The following XRCC4 variants were observed in gnomAD, a reference collection of about 807,000 sequenced individuals.
XRCC4 encodes the protein DNA repair protein XRCC4.
XRCC4 carries 28 observed loss-of-function variants against 39.1 expected under a neutral mutation model. The ratio of observed to expected loss-of-function variants is 0.72; its 90% CI spans 0.53 to 0.98. XRCC4 has a LOEUF of 0.98. Among genes scored for constraint, XRCC4 ranks in the 50% least tolerant of loss-of-function variants. The probability of loss-of-function intolerance (pLI) is 0.00; values close to 1 mark genes in which losing one functional copy is unlikely to be tolerated. For synonymous variants in XRCC4, 123 were observed against 126.4 expected (o/e 0.97, Z 0.18); for missense variants, 350 against 376.4 (o/e 0.93, Z 0.58).
chr5:83,118,641 G>T (rs76986753), intron 3 of XRCC4, among the ~76,000 whole-genome samples: 5 of 152,102 alleles, frequency 3.3e-5, no homozygotes, highest in African/African-American at 1.2e-4. Context: ...TTTTGCTCAC[G>T]TCCCATTGGC....
chr5:83,133,693 G>A (rs531091902), intron 3 of XRCC4, among the ~76,000 whole-genome samples: 37 of 152,262 alleles, frequency 2.4e-4, no homozygotes, highest in East Asian at 3.9e-4. Context: ...CAAGCCAGGC[G>A]TGGGATATAA....
At chr5:83,264,958 G>C (rs1753904894) in intron 7 of XRCC4, among the ~76,000 whole-genome samples, 6 of 152,048 alleles carry the variant, frequency 3.9e-5, no homozygotes, top group Non-Finnish European at 8.8e-5. Context: ...AACAGTGTTT[G>C]CCTTTTGAGT....
At chr5:83,103,381 T>G (rs1746046260) in intron 1 of XRCC4, among the ~76,000 whole-genome samples, 1 of 152,116 alleles carries the variant, frequency 6.6e-6, no homozygotes, top group Non-Finnish European at 1.5e-5. Context: ...TATTTTCTTC[T>G]TTATTGTATG....
At chr5:83,309,266 CAAAAAA>C (rs59326460) in intron 7 of XRCC4, among the ~76,000 whole-genome samples, 260 of 17,090 alleles carry the variant, frequency 0.015, 1 homozygote, top group African/African-American at 0.034. Context: ...GACTCCGTCT[CAAAAAA>C]AAAAAAAAAA....
At chr5:83,141,639 CTT>C (rs28360069) in intron 3 of XRCC4, among the ~76,000 whole-genome samples, 2 of 151,274 alleles carry the variant, frequency 1.3e-5, no homozygotes, top group Non-Finnish European at 3.0e-5. Context: ...TCTTTTTCCT[CTT>C]TTTTTTCTAT....
intron 3 of XRCC4, among the ~76,000 whole-genome samples, chr5:83,184,759 T>C (rs368094681): frequency 2.0e-5 from 3 of 152,208 alleles, no homozygotes; most frequent in African/African-American, 7.2e-5. Flanking sequence ...GTTAGATTTT[T>C]CTCTTTCATA....
intron 3 of XRCC4, among the ~76,000 whole-genome samples, chr5:83,189,561 A>G (rs971552158): frequency 6.6e-6 from 1 of 152,188 alleles, no homozygotes; most frequent in African/African-American, 2.4e-5. Flanking sequence ...ATTAGTTCTA[A>G]GAAATTTGGG....
chr5:83,280,788 A>G (rs572882034), intron 7 of XRCC4: 269 of 165,712 alleles, frequency 1.6e-3, no homozygotes, highest in African/African-American at 6.0e-3. Context: ...TTAGAAGGTC[A>G]CCATCATTCA....
At chr5:83,328,529 G>A (rs1404737632) in intron 7 of XRCC4, among the ~76,000 whole-genome samples, 1 of 152,056 alleles carries the variant, frequency 6.6e-6, no homozygotes, top group Non-Finnish European at 1.5e-5. Flanking sequence ...AAAAGATGGA[G>A]CAAATTGTAA....
chr5:83,228,526 T>C (rs1752375338), intron 6 of XRCC4, among the ~76,000 whole-genome samples: 2 of 152,030 alleles, frequency 1.3e-5, no homozygotes, highest in Admixed American at 6.6e-5. Flanking sequence ...TCATGAAAAA[T>C]TTGAGTTCAC....
intron 6 of XRCC4, among the ~76,000 whole-genome samples, chr5:83,222,285 G>T (rs1318788467): frequency 6.6e-6 from 1 of 151,846 alleles, no homozygotes; most frequent in East Asian, 1.9e-4. Flanking sequence ...TTGTTCTAGT[G>T]GTCACTCTAC....
intron 3 of XRCC4, among the ~76,000 whole-genome samples, chr5:83,123,105 C>T (rs1747090912): frequency 6.6e-6 from 1 of 152,050 alleles, no homozygotes; most frequent in African/African-American, 2.4e-5. Flanking sequence ...TTTCTGTCTA[C>T]TTCTTTTAAA....
intron 3 of XRCC4, among the ~76,000 whole-genome samples, chr5:83,156,375 T>G (rs1236964972): frequency 1.3e-5 from 2 of 151,890 alleles, no homozygotes; most frequent in African/African-American, 4.8e-5. Context: ...AAGGAAGTTT[T>G]GGGAAAACAT....
At chr5:83,210,980 G>A (rs1287944586) in intron 6 of XRCC4, among the ~76,000 whole-genome samples, 2 of 152,060 alleles carry the variant, frequency 1.3e-5, no homozygotes, top group Non-Finnish European at 2.9e-5. Context: ...ATATGTTTGG[G>A]GGGAGACAAA....
At chr5:83,240,053 A>T (rs1752845812) in intron 6 of XRCC4, among the ~76,000 whole-genome samples, 2 of 152,176 alleles carry the variant, frequency 1.3e-5, no homozygotes, top group South Asian at 4.1e-4. Flanking sequence ...ATGCACCTGT[A>T]GTACCAGCTA....
chr5:83,203,093 CTTG>C (rs1199867943), intron 4 of XRCC4, among the ~76,000 whole-genome samples: 1 of 151,774 alleles, frequency 6.6e-6, no homozygotes, highest in Non-Finnish European at 1.5e-5. Flanking sequence ...AAGTCGTGTT[CTTG>C]TTGTGGAGCA....
intron 3 of XRCC4, among the ~76,000 whole-genome samples, chr5:83,140,170 A>C (rs1029824751): frequency 6.6e-6 from 1 of 152,230 alleles, no homozygotes; most frequent in Non-Finnish European, 1.5e-5. Context: ...GACTCATATG[A>C]TCACAAGGTG....
the XRCC4 span, among the ~76,000 whole-genome samples, chr5:83,371,519 T>C: frequency 1.3e-5 from 2 of 152,030 alleles, no homozygotes; most frequent in African/African-American, 2.4e-5. Context: ...AAAGAAACAA[T>C]CTACATGTCA....
chr5:83,288,334 G>A lies in XRCC4; in HGVS notation c.893+29657G>A, dbSNP rs28851251. ...ATATCCTTTCTGATTTTTTGCCTAC[G>A]TGACCATATCAGTTACTGAAAGCAG... On this transcript the variant is annotated intron_variant, in intron 7 of 7. Transcript: ENST00000396027. Among the ~76,000 whole-genome samples the A allele has an allele frequency of 7.0e-3, 1,059 of 151,796 alleles. 14 individuals carry two copies. Among genetic ancestry groups the A allele is most frequent in the African/African-American group, 0.024 (1,013 of 41,430 alleles).
Sources: gnomAD v4.1 joint callset for allele counts (sites outside exome capture counted in the v4.1 genomes callset) on GRCh38, gnomAD v4.1.1 for gene constraint, MANE v1.5 for transcripts, NCBI Gene and HGNC (gene_info 2026-07-23, HGNC 2026-07-21) for gene names.